HLA-DRB1: variants seen among roughly 807,000 people sequenced by gnomAD.
HLA-DRB1 encodes major histocompatibility complex, class II, DR beta 1 precursor.
Under a neutral mutation model 27.9 loss-of-function variants are expected in HLA-DRB1, and 10 were observed. The observed-to-expected ratio is 0.36, with a 90% CI of 0.22 to 0.61. The LOEUF (loss-of-function observed/expected upper bound fraction) is 0.61. HLA-DRB1 is among the 20% of genes least tolerant of loss of function. The pLI is 0.73. For missense variants in HLA-DRB1, 118 were observed against 306.3 expected (o/e 0.39, Z 4.59); for synonymous variants, 57 against 126.7 (o/e 0.45, Z 3.69).
At chr6:32,584,650 G>A (rs1200495392) in intron 1 of HLA-DRB1, among the ~76,000 whole-genome samples, 2 of 147,278 alleles carry the variant, frequency 1.4e-5, no homozygotes, top group Non-Finnish European at 3.0e-5. Context: ...CTCCAAGCAG[G>A]AGCTGGAGGA....
chr6:32,582,980 AT>A (rs143594181), intron 2 of HLA-DRB1, among the ~76,000 whole-genome samples: 15,327 of 144,378 alleles, frequency 0.11, 1,539 homozygotes, highest in Non-Finnish European at 0.12. Flanking sequence ...TTAAATAAAA[AT>A]GTTCAAATTC....
intron 1 of HLA-DRB1, among the ~76,000 whole-genome samples, chr6:32,588,492 T>G: frequency 1.4e-5 from 1 of 72,274 alleles, no homozygotes; most frequent in African/African-American, 5.8e-5. Flanking sequence ...AATCTCATAG[T>G]GCTAAGGTTC....
chr6:32,578,971 C>A, exon 6 of HLA-DRB1: 2 of 483,688 alleles, frequency 4.1e-6, no homozygotes, highest in African/African-American at 4.2e-5. Flanking sequence ...GTTGCCGAAC[C>A]AGTAGCAACC....
chr6:32,582,617 A>C (rs2150771473), intron 2 of HLA-DRB1, among the ~76,000 whole-genome samples: 2 of 104,080 alleles, frequency 1.9e-5, no homozygotes, highest in Non-Finnish European at 3.9e-5. Context: ...TTTCCTAGAA[A>C]AGCATGAGTC....
intron 1 of HLA-DRB1, among the ~76,000 whole-genome samples, chr6:32,584,685 C>T (rs534288394): frequency 0.12 from 13,455 of 109,960 alleles, 1,134 homozygotes; most frequent in Non-Finnish European, 0.13. Context: ...CCGCAGCCCG[C>T]GCCGCCTCCT....
chr6:32,589,615 T>A, intron 1 of HLA-DRB1, 28 bp downstream of exon 1: 1 of 714,680 alleles, frequency 1.4e-6, no homozygotes. Context: ...CACCCCATAG[T>A]AGCTCAGCAC....
At chr6:32,589,393 T>C (rs369917557) in intron 1 of HLA-DRB1, among the ~76,000 whole-genome samples, 1 of 135,748 alleles carries the variant, frequency 7.4e-6, no homozygotes, top group Non-Finnish European at 1.6e-5. Flanking sequence ...GGACATGTGA[T>C]GCAAAGGTTT....
intron 1 of HLA-DRB1, among the ~76,000 whole-genome samples, chr6:32,588,977 G>A (rs948972714): frequency 7.9e-5 from 7 of 88,316 alleles, no homozygotes; most frequent in African/African-American, 3.0e-4. Flanking sequence ...CCTCATAAAT[G>A]CTCTGTATCT....
chr6:32,587,353 G>C (rs28729937), intron 1 of HLA-DRB1, among the ~76,000 whole-genome samples: 4,133 of 57,134 alleles, frequency 0.072, 1,779 homozygotes, highest in Middle Eastern at 0.24. Context: ...CAGCAATCTA[G>C]CCTGGGCAAC....
chr6:32,579,959 C>T lies in HLA-DRB1; in HGVS notation c.787+288G>A, dbSNP rs1335489006. Among the ~76,000 whole-genome samples the T allele has an allele frequency of 1.2e-4, 4 of 34,400 alleles. No individual in the cohort carries two copies. The East Asian group carries it at 2.9e-3, about 25-fold the overall frequency. 22.6% of individuals were successfully genotyped at this position (34,400 alleles called of 152,430 possible). Reference sequence around the variant, plus strand: ...TCTACTAAAAATACAAAAAATTAGCCGGGCGTAGTGGCGGGCGCCTGTAGT... The same window carrying T: ...TCTACTAAAAATACAAAAAATTAGCTGGGCGTAGTGGCGGGCGCCTGTAGT... On this transcript the variant is annotated intron_variant, in intron 5 of 5. Transcript: ENST00000360004.
exon 2 of HLA-DRB1, chr6:32,584,262 C>G (rs150747106): frequency 0.023 from 32,812 of 1,440,030 alleles, 204 homozygotes; most frequent in East Asian, 0.06. Flanking sequence ...AACTCCCCCA[C>G]GTCGCTGTCG....
chr6:32,581,366 A>T (rs1047739444), intron 3 of HLA-DRB1, among the ~76,000 whole-genome samples, 191 bp downstream of exon 3: 1 of 86,232 alleles, frequency 1.2e-5, no homozygotes, highest in African/African-American at 5.3e-5. Context: ...GGCAGGCGAG[A>T]CTGCTTCTCC....
At chr6:32,582,123 A>C (rs1483284955) in intron 2 of HLA-DRB1, among the ~76,000 whole-genome samples, 1 of 119,486 alleles carries the variant, frequency 8.4e-6, no homozygotes. Context: ...AGAGTGTAGT[A>C]ATTAAAACTG....
chr6:32,581,476 G>T (rs34483980), intron 3 of HLA-DRB1, 81 bp downstream of exon 3: 4,513 of 589,100 alleles, frequency 7.7e-3, no homozygotes, highest in Admixed American at 0.03. Context: ...GGATGTGGGA[G>T]AGGAGGAACC....
chr6:32,584,239 C>A (rs17880973), exon 2 of HLA-DRB1: 303,584 of 1,331,334 alleles, frequency 0.23, 6,757 homozygotes, highest in Non-Finnish European at 0.25. Context: ...GCCCCAGCTC[C>A]GTCACCGCCC....
chr6:32,582,598 A>G (rs1401932058), intron 2 of HLA-DRB1, among the ~76,000 whole-genome samples: 1 of 105,954 alleles, frequency 9.4e-6, no homozygotes, highest in South Asian at 3.2e-4. Context: ...TGATTCTCCA[A>G]ATTTTTACTT....
intron 2 of HLA-DRB1, among the ~76,000 whole-genome samples, chr6:32,582,363 C>CCA (rs1317031955): frequency 1.6e-5 from 2 of 122,808 alleles, no homozygotes; most frequent in Non-Finnish European, 3.4e-5. Context: ...CTCCATTCCA[C>CCA]TGTGAGGGCA....
intron 1 of HLA-DRB1, among the ~76,000 whole-genome samples, chr6:32,584,960 A>G (rs188868950): frequency 3.5e-3 from 166 of 46,774 alleles, no homozygotes; most frequent in East Asian, 6.7e-3. Context: ...GTGGCGTTCT[A>G]GAGCAGAGAA....
At chr6:32,584,500 C>T in intron 1 of HLA-DRB1, 122 bp from the exon 2 acceptor site, 1 of 642,774 alleles carries the variant, frequency 1.6e-6, no homozygotes. Context: ...GCCCCACCCG[C>T]AACGCCCACC....
Sources: allele counts gnomAD v4.1 joint callset (sites outside exome capture counted in the v4.1 genomes callset), GRCh38; gene constraint gnomAD v4.1.1; transcripts MANE v1.5; gene names NCBI Gene and HGNC (gene_info 2026-07-23, HGNC 2026-07-21).